The following RNF24 variants were observed in gnomAD, a reference collection of about 807,000 sequenced individuals.
RNF24 encodes the protein ring finger protein 24.
A neutral mutation model predicts 20.0 loss-of-function variants in RNF24; 14 were observed. The observed-to-expected ratio is 0.70, with a 90% CI of 0.46 to 1.10. The LOEUF (loss-of-function observed/expected upper bound fraction) is 1.10. Among genes scored for constraint, RNF24 ranks in the 50% least tolerant of loss-of-function variants. The pLI, the probability that RNF24 is intolerant of heterozygous loss-of-function variation, is 0.00. For synonymous variants in RNF24, 45 were observed against 61.1 expected (o/e 0.74, Z 1.23); for missense variants, 124 against 177.6 (o/e 0.70, Z 1.71).
intron 1 of RNF24, among the ~76,000 whole-genome samples, chr20:3,975,330 G>A (rs1384754301): frequency 6.6e-6 from 1 of 152,180 alleles, no homozygotes; most frequent in East Asian, 1.9e-4. Context: ...GAAGATATTT[G>A]GGATCTAGGA....
chr20:4,009,410 G>A (rs1982250505), intron 1 of RNF24, among the ~76,000 whole-genome samples: 1 of 152,156 alleles, frequency 6.6e-6, no homozygotes, highest in South Asian at 2.1e-4. Flanking sequence ...GGGCAAAAAT[G>A]CTAAAGCTGT....
chr20:3,936,615 C>T (rs930945613), intron 4 of RNF24, among the ~76,000 whole-genome samples: 4 of 152,166 alleles, frequency 2.6e-5, no homozygotes, highest in African/African-American at 7.2e-5. Flanking sequence ...AGCTTCCCAC[C>T]TGTAAAGAGG....
chr20:3,965,686 G>A (rs2091250185), intron 1 of RNF24, among the ~76,000 whole-genome samples: 1 of 152,140 alleles, frequency 6.6e-6, no homozygotes, highest in Non-Finnish European at 1.5e-5. Context: ...GAAAATTACA[G>A]GGCACAAAAC....
intron 2 of RNF24, among the ~76,000 whole-genome samples, chr20:3,959,958 A>G (rs528527973): frequency 2.6e-5 from 4 of 152,234 alleles, no homozygotes; most frequent in African/African-American, 9.6e-5. Context: ...TTAGAATATT[A>G]TATAATTCAT....
intron 3 of RNF24, among the ~76,000 whole-genome samples, 178 bp downstream of exon 3, chr20:3,948,059 A>G (rs1016215926): frequency 3.9e-5 from 6 of 152,098 alleles, no homozygotes; most frequent in Admixed American, 1.3e-4. Flanking sequence ...AAAAAAAAAA[A>G]AGAAGAGAAG....
rs930556514 is a variant in RNF24, at chr20:3,931,786, TGAGTGCA to T, written c.*2270_*2276del. 6.6e-6 allele frequency: 1 copy of T among 152,272 alleles called. No individual in the cohort carries two copies. Among genetic ancestry groups the T allele is most frequent in the Non-Finnish European group, 1.5e-5 (1 of 68,068 alleles). 9.4% of individuals were successfully genotyped at this position (152,272 alleles called of 1,614,324 possible). ...GGGCAAAGCAGACCCAAGGTGGTGCTGAGTGCAGAGTGCAGAGCATTCTTGTGCTCTC... is the reference window on the plus strand; with the variant it reads ...GGGCAAAGCAGACCCAAGGTGGTGCTGAGTGCAGAGCATTCTTGTGCTCTC... On this transcript the variant is annotated 3_prime_UTR_variant, in exon 6 of 6. Transcript: ENST00000358395.
intron 1 of RNF24, among the ~76,000 whole-genome samples, chr20:3,980,598 A>G (rs1398087721): frequency 6.6e-6 from 1 of 152,206 alleles, no homozygotes; most frequent in Non-Finnish European, 1.5e-5. Context: ...CGAAACTGAA[A>G]ATAAGGGCGA....
rs1170443233 is a variant in RNF24 at position 3,932,306 on chromosome 20, T to C, written c.*1757A>G. On this transcript the variant is annotated 3_prime_UTR_variant, in exon 6 of 6. Transcript: ENST00000358395. ...AAAGTAGGAGTGCATAAATAGTTTT[T>C]TTCATGGGTGCCAGACAGGCTAAGG... The C allele has an allele frequency of 2.0e-5, 3 of 152,250 alleles. No homozygotes were observed. The highest frequency in any genetic ancestry group is 6.5e-5 in the Admixed American group (1 of 15,286). The allele number at this position is 152,250 out of a possible 1,614,324, so 9.4% of individuals were successfully genotyped here.
chr20:3,967,516 G>T (rs1472702592), intron 1 of RNF24, among the ~76,000 whole-genome samples: 1 of 152,160 alleles, frequency 6.6e-6, no homozygotes, highest in African/African-American at 2.4e-5. Flanking sequence ...TTCTAAGAGG[G>T]ACAGATTACT....
chr20:3,935,124 A>G, intron 4 of RNF24, 51 bp from the exon 5 acceptor site: 3 of 1,518,460 alleles, frequency 2.0e-6, no homozygotes, highest in Non-Finnish European at 2.7e-6. Flanking sequence ...GTACCCTCCC[A>G]GGTACAAAGT....
intron 1 of RNF24, among the ~76,000 whole-genome samples, chr20:3,988,222 G>A (rs905206447): frequency 6.6e-6 from 1 of 152,048 alleles, no homozygotes; most frequent in African/African-American, 2.4e-5. Flanking sequence ...TACTCAGGAG[G>A]CTGAGGTGAG....
intron 1 of RNF24, among the ~76,000 whole-genome samples, chr20:4,012,718 A>G (rs1255767455): frequency 1.3e-5 from 2 of 152,214 alleles, no homozygotes; most frequent in Non-Finnish European, 2.9e-5. Flanking sequence ...GGGTTGGCAA[A>G]TACTTTGATT....
chr20:3,954,901 G>GA (rs1402952010), intron 2 of RNF24, among the ~76,000 whole-genome samples: 3 of 149,098 alleles, frequency 2.0e-5, no homozygotes, highest in Admixed American at 6.7e-5. Context: ...TCCATCTCAA[G>GA]AAAAAAAAAA....
intron 3 of RNF24, among the ~76,000 whole-genome samples, chr20:3,946,830 A>G (rs375710707): frequency 2.6e-5 from 4 of 152,278 alleles, no homozygotes; most frequent in Non-Finnish European, 4.4e-5. Flanking sequence ...GGACATCAGT[A>G]TGTCCATCTA....
At chr20:3,982,714 C>G (rs565893200) in intron 1 of RNF24, among the ~76,000 whole-genome samples, 13 of 152,058 alleles carry the variant, frequency 8.5e-5, no homozygotes, top group Non-Finnish European at 1.9e-4. Context: ...TAGGGAGACC[C>G]TGTCTCTACA....
intron 1 of RNF24, among the ~76,000 whole-genome samples, chr20:3,996,257 T>C (rs555530557): frequency 1.3e-5 from 2 of 152,262 alleles, no homozygotes; most frequent in East Asian, 3.9e-4. Context: ...TAATATCAAC[T>C]CCAAAATTCA....
At chr20:4,000,980 T>C (rs528637779) in intron 1 of RNF24, among the ~76,000 whole-genome samples, 2 of 152,096 alleles carry the variant, frequency 1.3e-5, no homozygotes, top group African/African-American at 4.8e-5. Context: ...TGCAAAAATA[T>C]ATGTGGCCAG....
At chr20:4,010,192 G>A (rs139270567) in intron 1 of RNF24, among the ~76,000 whole-genome samples, 4,892 of 151,884 alleles carry the variant, frequency 0.032, 268 homozygotes, top group African/African-American at 0.11. Flanking sequence ...GACCAACATA[G>A]TGAAACCCCG....
chr20:3,938,089 T>G (rs1214027354), intron 4 of RNF24, among the ~76,000 whole-genome samples: 1 of 152,238 alleles, frequency 6.6e-6, no homozygotes, highest in African/African-American at 2.4e-5. Flanking sequence ...TACGTATGGG[T>G]TGTAATTTCT....
Sources: allele counts gnomAD v4.1 joint callset (sites outside exome capture counted in the v4.1 genomes callset), GRCh38; gene constraint gnomAD v4.1.1; transcripts MANE v1.5; gene names NCBI Gene and HGNC (gene_info 2026-07-23, HGNC 2026-07-21).